GET1: variants seen among roughly 807,000 people sequenced by gnomAD.
GET1 encodes guided entry of tail-anchored proteins factor 1, also known as congenital heart disease 5 protein.
GET1 carries 20 observed loss-of-function variants against 22.6 expected under a neutral mutation model. The ratio of observed to expected loss-of-function variants is 0.89; its 90% CI spans 0.62 to 1.29. GET1 has a LOEUF of 1.29. Among genes scored for constraint, GET1 ranks in the 50% most tolerant of loss-of-function variants. GET1 has a pLI of 0.00. For synonymous variants in GET1, 92 were observed against 83.8 expected (o/e 1.10, Z -0.53); for missense variants, 209 against 219.9 (o/e 0.95, Z 0.31).
At chr21:39,383,098 C>T (rs926185953) in intron 1 of GET1, among the ~76,000 whole-genome samples, 58 of 151,212 alleles carry the variant, frequency 3.8e-4, no homozygotes, top group African/African-American at 1.4e-3. Flanking sequence ...CTACAGGTGC[C>T]CACCACCACC....
exon 5 of GET1, chr21:39,405,916 G>T: frequency 6.2e-7 from 1 of 1,603,848 alleles, no homozygotes; most frequent in South Asian, 1.1e-5. Context: ...TTCTGTAGGT[G>T]ACGATGGCTT....
intron 4 of GET1, among the ~76,000 whole-genome samples, chr21:39,403,296 G>A (rs1338031886): frequency 1.3e-5 from 2 of 152,102 alleles, no homozygotes; most frequent in African/African-American, 2.4e-5. Flanking sequence ...TATGCCAATT[G>A]TAGTATTTAT....
At chr21:39,406,116 A>C in exon 5 of GET1, 1 of 1,614,216 alleles carries the variant, frequency 6.2e-7, no homozygotes, top group Non-Finnish European at 8.5e-7. Context: ...TGCTTTTCTT[A>C]TCTCTGAAAG....
intron 1 of GET1, chr21:39,426,060 G>A (rs920486019): frequency 6.6e-6 from 1 of 152,202 alleles, no homozygotes; most frequent in African/African-American, 2.4e-5. Flanking sequence ...GAAGGGCAGA[G>A]GCTTCTCCCC....
At chr21:39,380,527 C>T (rs1370174013) in intron 1 of GET1, 41 bp downstream of exon 1, 10 of 1,583,444 alleles carry the variant, frequency 6.3e-6, no homozygotes, top group Admixed American at 5.3e-5. Context: ...GTGGGGATGC[C>T]GCCCCAGTCC....
At chr21:39,417,641 A>C (rs2041458968) in intron 1 of GET1, among the ~76,000 whole-genome samples, 1 of 152,218 alleles carries the variant, frequency 6.6e-6, no homozygotes, top group Admixed American at 6.5e-5. Flanking sequence ...ACAGTTCCAC[A>C]TGGCTGGGGA....
chr21:39,398,453 T>TA (rs2038754826), downstream of GET1, among the ~76,000 whole-genome samples: 1 of 152,200 alleles, frequency 6.6e-6, no homozygotes, highest in Non-Finnish European at 1.5e-5. Flanking sequence ...ATTCAGTTGT[T>TA]ACAAGAATTT....
chr21:39,380,811 A>G, intron 1 of GET1: 1 of 1,027,384 alleles, frequency 9.7e-7, no homozygotes, highest in South Asian at 3.9e-5. Flanking sequence ...TGGTTCCTAG[A>G]GGCATTCGAG....
chr21:39,396,640 C>T (rs558869005), intron 4 of GET1, among the ~76,000 whole-genome samples: 5 of 146,992 alleles, frequency 3.4e-5, no homozygotes, highest in South Asian at 2.2e-4. Context: ...GAGCCGAGAT[C>T]GCACCATTGC....
Position 39,391,932 on chromosome 21 carries a change from C to T in GET1, c.336+96C>T. ...TCCAGGGCTGGGAGTTCGGGCTGTT[C>T]CACCTTCAGCTGTCGTGTCGTGTGT... On this transcript the variant is annotated intron_variant, in intron 3 of 4. Transcript: ENST00000649170. 3 of 1,180,480 alleles carry T rather than the reference C, an allele frequency of 2.5e-6. No individual in the cohort carries two copies. In the African/African-American group the frequency reaches 4.5e-5, roughly 18 times the overall value. 73.1% of individuals were successfully genotyped at this position (1,180,480 alleles called of 1,614,324 possible).
In GET1 at chr21:39,424,795, T is replaced by C. The variant is rs143826166; in HGVS notation, c.*24-3437T>C. 1.3e-3 allele frequency among the ~76,000 whole-genome samples: 205 copies of C among 152,338 alleles called. 2 individuals are homozygous for C. The highest frequency in any genetic ancestry group is 4.4e-3 in the African/African-American group (184 of 41,580). On this transcript the variant is annotated intron_variant, in intron 1 of 1. Coordinates refer to the GET1 transcript ENST00000478273. ...CACCAAATGAAGTAATTGGCATGTG[T>C]CCAGGGGTCTATCTTAAACAAAAAG...
chr21:39,380,704 C>G (rs2037501711), intron 1 of GET1: 1 of 1,365,616 alleles, frequency 7.3e-7, no homozygotes, highest in South Asian at 1.6e-5. Flanking sequence ...GGGAGAAACA[C>G]CGGGCAACCC....
At chr21:39,396,779 T>C (rs1353124441) in intron 4 of GET1, 87 bp from the exon 5 acceptor site, 2 of 1,201,996 alleles carry the variant, frequency 1.7e-6, no homozygotes, top group African/African-American at 3.0e-5. Flanking sequence ...ATGGAAATAC[T>C]CTCTTTGCTG....
downstream of GET1, among the ~76,000 whole-genome samples, chr21:39,409,498 A>C (rs994705066): frequency 1.3e-5 from 2 of 152,150 alleles, no homozygotes; most frequent in East Asian, 1.9e-4. The surrounding 1 kb of genome is among the most constrained non-coding windows in gnomAD (Gnocchi z 4.2). Flanking sequence ...TGAAGGGCCC[A>C]AGGGTGTTCC....
At chr21:39,415,030 T>A (rs2040888083) in intron 1 of GET1, among the ~76,000 whole-genome samples, 1 of 151,934 alleles carries the variant, frequency 6.6e-6, no homozygotes, top group African/African-American at 2.4e-5. Flanking sequence ...GCCTCTGGAG[T>A]AGCTGGGATT....
intron 1 of GET1, chr21:39,420,808 G>C (rs1388037673): frequency 6.2e-7 from 1 of 1,612,986 alleles, no homozygotes; most frequent in South Asian, 1.1e-5. Flanking sequence ...GCCGGCTAAA[G>C]GCTCTGCAGT....
intron 1 of GET1, among the ~76,000 whole-genome samples, chr21:39,427,064 G>T (rs2074848298): frequency 6.6e-6 from 1 of 152,210 alleles, no homozygotes; most frequent in Non-Finnish European, 1.5e-5. Context: ...TGGCACAGAG[G>T]GTCCTGGACA....
chr21:39,418,857 C>T (rs943597089), intron 1 of GET1, among the ~76,000 whole-genome samples: 4 of 152,084 alleles, frequency 2.6e-5, no homozygotes, highest in African/African-American at 7.2e-5. Flanking sequence ...CATGAGGAAG[C>T]ATAAAATTTA....
At chr21:39,391,301 A>G in intron 2 of GET1, 2 of 225,322 alleles carry the variant, frequency 8.9e-6, no homozygotes, top group Non-Finnish European at 8.8e-6. Context: ...GCGCTTTCTC[A>G]GGGCAGCCCG....
Sources: allele counts gnomAD v4.1 joint callset (sites outside exome capture counted in the v4.1 genomes callset), GRCh38; gene constraint gnomAD v4.1.1; non-coding constraint Gnocchi (gnomAD v3.1); transcripts MANE v1.5; gene names NCBI Gene and HGNC (gene_info 2026-07-23, HGNC 2026-07-21).